Variants in KCNQ1OT1 observed in about 807,000 individuals in gnomAD.
KCNQ1OT1 encodes KCNQ1 antisense RNA 2 (non-protein coding).
At chr11:2,685,272 G>A (rs1850466126) in exon 1 of KCNQ1OT1, 1 of 398,566 alleles carries the variant, frequency 2.5e-6, no homozygotes, top group African/African-American at 2.1e-5. Context: ...ACGTGCCACT[G>A]TGTCTTGCCC....
chr11:2,686,499 T>A (rs1850492408), exon 1 of KCNQ1OT1: 2 of 398,526 alleles, frequency 5.0e-6, no homozygotes, highest in Non-Finnish European at 8.8e-6. Context: ...CCTCACCCAG[T>A]GTTGAGTCTC....
chr11:2,631,042 A>G (rs937566753), exon 1 of KCNQ1OT1: 2 of 398,426 alleles, frequency 5.0e-6, no homozygotes, highest in African/African-American at 2.1e-5. Flanking sequence ...TTTGATGGCA[A>G]TATATCTAGG....
At chr11:2,688,591 G>A in exon 1 of KCNQ1OT1, 1 of 398,724 alleles carries the variant, frequency 2.5e-6, no homozygotes, top group East Asian at 3.6e-5. Flanking sequence ...CTCGCTCACT[G>A]AGGCCAGGCA....
At chr11:2,619,455 TTAGTA>T (rs1849127303) in exon 1 of KCNQ1OT1, 7 of 398,510 alleles carry the variant, frequency 1.8e-5, no homozygotes, top group Non-Finnish European at 3.1e-5. Flanking sequence ...TTTCAGTCTG[TTAGTA>T]TCACATTGAT....
rs1850589417 is a variant in KCNQ1OT1, at chr11:2,691,625, T to TG, written n.8369dup. On this transcript the variant is annotated non_coding_transcript_exon_variant, in exon 1 of 1. Transcript: ENST00000597346. The surrounding 1 kb of genome is among the most constrained non-coding windows in gnomAD (Gnocchi z 6.4). ...CCTAGCTTGTTCCCTGCACGTACTG[T>TG]GGGGAGGTCCTCTTTACCGCCACAG... 40 of 398,504 alleles carry TG rather than the reference T, an allele frequency of 1.0e-4. No homozygotes were observed. The East Asian group carries it at 1.4e-3, about 14-fold the overall frequency. 24.7% of individuals were successfully genotyped at this position (398,504 alleles called of 1,614,324 possible).
exon 1 of KCNQ1OT1, chr11:2,648,147 G>A (rs1336154227): frequency 1.4e-5 from 5 of 358,674 alleles, no homozygotes; most frequent in Non-Finnish European, 2.5e-5. Flanking sequence ...AGAGGTTACA[G>A]TGAGCCAAGA....
chr11:2,615,210 A>G, exon 1 of KCNQ1OT1: 2 of 398,186 alleles, frequency 5.0e-6, no homozygotes, highest in Admixed American at 4.4e-5. Flanking sequence ...CATTCCTGGT[A>G]TATAGAGGCA....
In KCNQ1OT1 at chr11:2,653,409, A is replaced by G. The variant is rs754185235; in HGVS notation, n.46586T>C. On this transcript the variant is annotated non_coding_transcript_exon_variant, in exon 1 of 1. Transcript: ENST00000597346. The surrounding 1 kb of genome is among the most constrained non-coding windows in gnomAD (Gnocchi z 5.3). ...GACTCTCTTGGTAACAAATGATGGA[A>G]CCCCAACTCAAACAAGCTTAAGCAC... The G allele has an allele frequency of 1.8e-4, 71 of 398,358 alleles. No individual in the cohort carries two copies. The highest frequency in any genetic ancestry group is 2.9e-4 in the Non-Finnish European group (66 of 226,100). The allele number at this position is 398,358 out of a possible 1,614,324, so 24.7% of individuals were successfully genotyped here.
chr11:2,628,204 A>C, exon 1 of KCNQ1OT1: 1 of 398,624 alleles, frequency 2.5e-6, no homozygotes, highest in Non-Finnish European at 4.4e-6. Context: ...TTTTTAAAGA[A>C]AATCTATCGT....
exon 1 of KCNQ1OT1, chr11:2,649,833 TTCTC>T (rs1849730336): frequency 2.5e-6 from 1 of 398,426 alleles, no homozygotes; most frequent in Admixed American, 4.4e-5. Context: ...GTTAGTCTCT[TTCTC>T]TCCCAAACTT....
At position 2,689,078 on chromosome 11, in the gene KCNQ1OT1, C is replaced by G. The variant is rs1024945170; in HGVS notation, n.10917G>C. The stretch of plus-strand genomic sequence containing the variant: ...TACCTCCTCCTCCCCGGTGGCACAT[C>G]CGGCCTGGAAGTTGGGTAGTCTGGC... On this transcript the variant is annotated non_coding_transcript_exon_variant, in exon 1 of 1. Transcript: ENST00000597346. 6 of 398,668 alleles carry G rather than the reference C, an allele frequency of 1.5e-5. No homozygotes were observed. The East Asian group carries it at 1.8e-4, about 12-fold the overall frequency. 24.7% of individuals were successfully genotyped at this position (398,668 alleles called of 1,614,324 possible).
At chr11:2,662,330 C>T (rs1849974831) in exon 1 of KCNQ1OT1, 3 of 575,852 alleles carry the variant, frequency 5.2e-6, no homozygotes, top group Non-Finnish European at 9.2e-6. Context: ...GATCATTTTC[C>T]ACTTGTTTTC....
rs1209927583 is a variant in KCNQ1OT1, at chr11:2,609,243, A to G, written n.90752T>C. On this transcript the variant is annotated non_coding_transcript_exon_variant, in exon 1 of 1. Transcript: ENST00000597346. ...TGTATCTTCATTTTCATTAATCTCA[A>G]AGTACGTTCCATTTCCCTTGTGAAT... 33 of 398,120 alleles carry G rather than the reference A, an allele frequency of 8.3e-5. No individual in the cohort carries two copies. In the East Asian group the frequency reaches 1.1e-3, roughly 13 times the overall value. The allele number at this position is 398,120 out of a possible 1,614,324, so 24.7% of individuals were successfully genotyped here.
chr11:2,675,649 C>T (rs179513), exon 1 of KCNQ1OT1: 9 of 398,522 alleles, frequency 2.3e-5, no homozygotes, highest in Admixed American at 4.4e-5. Flanking sequence ...GTTGGGCTCT[C>T]TAGGAGCCCG....
Position 2,683,701 on chromosome 11 carries a change from A to G in KCNQ1OT1, n.16294T>C. ...CTGTGAAAAGCCTAGCCTGGGACTC[A>G]GGCCTTTCCTTACTCCCTCTGGTTA... On this transcript the variant is annotated non_coding_transcript_exon_variant, in exon 1 of 1. Coordinates refer to ENST00000597346, the Ensembl canonical transcript of KCNQ1OT1. The surrounding 1 kb of genome is among the most constrained non-coding windows in gnomAD (Gnocchi z 4.7). 2.5e-6 allele frequency: 1 copy of G among 398,626 alleles called. No individual in the cohort carries two copies. Among genetic ancestry groups the G allele is most frequent in the Non-Finnish European group, 4.4e-6 (1 of 226,064 alleles). The allele number at this position is 398,626 out of a possible 1,614,324, so 24.7% of individuals were successfully genotyped here.
chr11:2,641,257 T>C, exon 1 of KCNQ1OT1: 1 of 398,462 alleles, frequency 2.5e-6, no homozygotes. Context: ...TTCTATAGTA[T>C]TAATTTACAT....
Position 2,687,374 on chromosome 11 carries a change from A to G in KCNQ1OT1, n.12621T>C. ...CCAGGTCTGCCTTGGGCTGTCACTC[A>G]GGGCTGAGCTCTGCTGAAGGATCTG... On this transcript the variant is annotated non_coding_transcript_exon_variant, in exon 1 of 1. Transcript: ENST00000597346. This position sits in a 1 kb window ranked among gnomAD's most constrained non-coding sequence, Gnocchi z 5.0. 2.5e-6 allele frequency: 1 copy of G among 398,646 alleles called. No homozygotes were observed. The highest frequency in any genetic ancestry group is 4.4e-6 in the Non-Finnish European group (1 of 226,070). The allele number at this position is 398,646 out of a possible 1,614,324, so 24.7% of individuals were successfully genotyped here.
exon 1 of KCNQ1OT1, chr11:2,660,295 C>T (rs535783717): frequency 2.5e-6 from 1 of 398,296 alleles, no homozygotes; most frequent in Non-Finnish European, 4.4e-6. Flanking sequence ...AACTTTTACA[C>T]ACATACATAT....
exon 1 of KCNQ1OT1, chr11:2,667,436 G>A: frequency 2.5e-6 from 1 of 398,756 alleles, no homozygotes; most frequent in Non-Finnish European, 4.4e-6. Flanking sequence ...CAGCCATGAT[G>A]CTGCTCAGGT....
Sources: allele counts gnomAD v4.1 joint callset, GRCh38; gene constraint gnomAD v4.1.1; non-coding constraint Gnocchi (gnomAD v3.1); transcripts MANE v1.5; gene names NCBI Gene and HGNC (gene_info 2026-07-23, HGNC 2026-07-21).